The following LRP1B variants were observed in gnomAD, a reference collection of about 807,000 sequenced individuals.
LRP1B encodes the protein low-density lipoprotein receptor-related protein 1B.
Under a neutral mutation model 556.6 loss-of-function variants are expected in LRP1B, and 217 were observed. That is an observed-to-expected ratio of 0.39 (90% CI 0.35 to 0.44). The LOEUF (loss-of-function observed/expected upper bound fraction) is 0.44. Ranked by LOEUF, LRP1B falls within the 20% of genes least tolerant of loss-of-function variation. The pLI, the probability that LRP1B is intolerant of heterozygous loss-of-function variation, is 1.00. For missense variants in LRP1B, 5,053 were observed against 5,620.8 expected (o/e 0.90, Z 3.23); for synonymous variants, 2,047 against 1,865.8 (o/e 1.10, Z -2.50).
chr2:140,487,632 A>T lies in LRP1B; in HGVS notation c.9228T>A (p.Asn3076Lys), dbSNP rs1688522801. 1 of 1,608,828 alleles carries T rather than the reference A, an allele frequency of 6.2e-7. No individual in the cohort carries two copies. Among genetic ancestry groups the T allele is most frequent in the African/African-American group, 1.3e-5 (1 of 74,656 alleles). Residue 3076 changes from asparagine (N) to lysine (K), a missense_variant, in exon 58 of 91, where the codon AAT (asparagine) becomes AAA (lysine). Physicochemically the swap from Asn to Lys is moderately conservative, Grantham distance 94 (BLOSUM62 0). Around this residue, in one of 5 missense-constraint regions of LRP1B, gnomAD observed 3,619 missense variants for 3,931.9 expected, o/e 0.92. Coordinates refer to ENST00000389484, the MANE Select transcript of LRP1B (RefSeq NM_018557.3). ...ATTTAGTTACCTTAATGTCACTTCCATTTAAACACATTCTATTTATGCGAC... is the reference window on the plus strand; with the variant it reads ...ATTTAGTTACCTTAATGTCACTTCCTTTTAAACACATTCTATTTATGCGAC... ...NGSRINRMCLNGSDIKVVHNT... is the reference protein window; with the variant it reads ...NGSRINRMCLKGSDIKVVHNT...
chr2:141,575,802 C>T (rs1686720062), intron 2 of LRP1B, among the ~76,000 whole-genome samples: 1 of 148,600 alleles, frequency 6.7e-6, no homozygotes, highest in South Asian at 2.1e-4. Context: ...TATGAACAGA[C>T]ACTTCTCAAA....
intron 41 of LRP1B, among the ~76,000 whole-genome samples, chr2:140,664,376 A>T (rs1216156594): frequency 1.3e-5 from 2 of 152,196 alleles, no homozygotes; most frequent in African/African-American, 2.4e-5. Flanking sequence ...ATCTATCTTG[A>T]AGAAAAGAGT....
intron 58 of LRP1B, among the ~76,000 whole-genome samples, chr2:140,487,400 G>A (rs1413538200): frequency 1.3e-5 from 2 of 151,816 alleles, no homozygotes; most frequent in Non-Finnish European, 2.9e-5. Flanking sequence ...TCAATTTGAT[G>A]TTTATGTTAT....
intron 43 of LRP1B, among the ~76,000 whole-genome samples, chr2:140,552,864 G>T (rs1441572383): frequency 6.6e-6 from 1 of 152,032 alleles, no homozygotes; most frequent in Non-Finnish European, 1.5e-5. Flanking sequence ...TATATCTATT[G>T]TCATACAGAC....
At chr2:141,034,768 A>G (rs1698481116) in intron 11 of LRP1B, among the ~76,000 whole-genome samples, 1 of 149,098 alleles carries the variant, frequency 6.7e-6, no homozygotes, top group Admixed American at 6.7e-5. Context: ...GGGACTGTAA[A>G]CTAGTTCAAC....
intron 7 of LRP1B, among the ~76,000 whole-genome samples, chr2:141,174,212 A>G (rs1270597206): frequency 2.0e-5 from 3 of 152,120 alleles, no homozygotes; most frequent in Admixed American, 1.3e-4. Flanking sequence ...TAATCATTTG[A>G]AAATGAACTT....
At chr2:140,473,706 A>T (rs1362176911) in intron 60 of LRP1B, among the ~76,000 whole-genome samples, 2 of 151,904 alleles carry the variant, frequency 1.3e-5, no homozygotes, top group Admixed American at 6.6e-5. Flanking sequence ...AACAATATAT[A>T]TATAAATTTT....
chr2:141,985,699 T>C (rs1168707818), intron 1 of LRP1B, among the ~76,000 whole-genome samples: 2 of 151,946 alleles, frequency 1.3e-5, no homozygotes, highest in Non-Finnish European at 2.9e-5. Flanking sequence ...TATTTACCTG[T>C]GTAACATTTT....
At chr2:142,117,226 G>A (rs1440413947) in intron 1 of LRP1B, among the ~76,000 whole-genome samples, 5 of 152,174 alleles carry the variant, frequency 3.3e-5, no homozygotes, top group Non-Finnish European at 7.4e-5. Flanking sequence ...TCACAATTGG[G>A]TCTAATATCA....
At chr2:141,490,440 G>C (rs1013086368) in intron 2 of LRP1B, among the ~76,000 whole-genome samples, 1 of 150,146 alleles carries the variant, frequency 6.7e-6, no homozygotes, top group African/African-American at 2.4e-5. Context: ...ATTTTTATCA[G>C]TTTAACTGCA....
intron 3 of LRP1B, among the ~76,000 whole-genome samples, chr2:141,367,014 G>A (rs1239020989): frequency 6.6e-6 from 1 of 152,140 alleles, no homozygotes. Context: ...CTTTTTTGTT[G>A]TTATGTGATT....
chr2:142,076,963 T>G (rs976046537), intron 1 of LRP1B, among the ~76,000 whole-genome samples: 2 of 152,048 alleles, frequency 1.3e-5, no homozygotes, highest in Non-Finnish European at 2.9e-5. Context: ...GAAGATACAG[T>G]GTGTCACAGA....
intron 83 of LRP1B, among the ~76,000 whole-genome samples, chr2:140,306,966 T>C (rs1684094395): frequency 6.6e-6 from 1 of 152,062 alleles, no homozygotes; most frequent in Admixed American, 6.6e-5. Flanking sequence ...CTATATTTTA[T>C]TTAAATATTG....
chr2:140,423,426 A>G (rs1372204961), intron 66 of LRP1B, among the ~76,000 whole-genome samples: 2 of 152,178 alleles, frequency 1.3e-5, no homozygotes, highest in African/African-American at 4.8e-5. Context: ...AATAAACTTT[A>G]CTTTTGCATG....
chr2:140,643,560 T>C (rs1276457466), intron 41 of LRP1B, among the ~76,000 whole-genome samples: 1 of 152,214 alleles, frequency 6.6e-6, no homozygotes, highest in Non-Finnish European at 1.5e-5. Flanking sequence ...ATGTGAATTT[T>C]AAAAATATAA....
At chr2:141,889,446 C>T (rs1699216041) in intron 1 of LRP1B, among the ~76,000 whole-genome samples, 1 of 152,072 alleles carries the variant, frequency 6.6e-6, no homozygotes, top group Non-Finnish European at 1.5e-5. Context: ...ATGGAAAGGA[C>T]TTAAAGTAAA....
intron 67 of LRP1B, 56 bp downstream of exon 67, chr2:140,385,837 C>T: frequency 8.3e-7 from 1 of 1,202,952 alleles, no homozygotes; most frequent in Non-Finnish European, 1.2e-6. Context: ...AAATTGCCAT[C>T]CTGCTTATTG....
intron 1 of LRP1B, among the ~76,000 whole-genome samples, chr2:141,833,205 T>C (rs551129062): frequency 1.5e-4 from 23 of 151,926 alleles, no homozygotes; most frequent in African/African-American, 5.5e-4. Context: ...AGCTAATTTC[T>C]TAGTAGATTC....
At chr2:141,154,939 T>C (rs997554393) in intron 7 of LRP1B, among the ~76,000 whole-genome samples, 20 of 151,938 alleles carry the variant, frequency 1.3e-4, no homozygotes, top group Non-Finnish European at 2.9e-5. Context: ...AAATATTTTC[T>C]AGGGCTCCCA....
Sources: gnomAD v4.1 joint callset for allele counts (sites outside exome capture counted in the v4.1 genomes callset) on GRCh38, gnomAD v4.1.1 for gene constraint, gnomAD v4.1.1 regional missense constraint, MANE v1.5 for transcripts, NCBI Gene and HGNC (gene_info 2026-07-23, HGNC 2026-07-21) for gene names.